The following CA10 variants were observed in gnomAD, a reference collection of about 807,000 sequenced individuals.
CA10 encodes carbonic anhydrase 10 (inactive).
Under a neutral mutation model 44.2 loss-of-function variants are expected in CA10, and 14 were observed. The ratio of observed to expected loss-of-function variants is 0.32; its 90% CI spans 0.21 to 0.50. The LOEUF is 0.50. Among genes scored for constraint, CA10 ranks in the 20% least tolerant of loss-of-function variants. The probability of loss-of-function intolerance (pLI) is 0.99; values close to 1 mark genes in which losing one functional copy is unlikely to be tolerated. For synonymous variants in CA10, 159 were observed against 141.6 expected (o/e 1.12, Z -0.87); for missense variants, 350 against 409.7 (o/e 0.85, Z 1.26).
At position 51,788,919 on chromosome 17, in the gene CA10, CTAAA is replaced by C. The variant is rs1160024166; in HGVS notation, c.280-41105_280-41102del. Among the ~76,000 whole-genome samples, 10 of 152,334 alleles carry C rather than the reference CTAAA, an allele frequency of 6.6e-5. No individual in the cohort carries two copies. The East Asian group carries it at 1.5e-3, about 23-fold the overall frequency. On this transcript the variant is annotated intron_variant, in intron 3 of 8. Transcript: ENST00000451037. ...GATAGAATGTACACCTACAGAATAACTAAATAAATCCACTCTTTCTTTCTTCCTT... is the reference window on the plus strand; with the variant it reads ...GATAGAATGTACACCTACAGAATAACTAAATCCACTCTTTCTTTCTTCCTT...
intron 1 of CA10, among the ~76,000 whole-genome samples, chr17:52,126,757 A>G (rs1989128597): frequency 6.6e-6 from 1 of 152,336 alleles, no homozygotes; most frequent in African/African-American, 2.4e-5. Context: ...ATCATTACCC[A>G]TGAAACTTAG....
At chr17:52,113,520 C>A (rs1354690400) in intron 1 of CA10, among the ~76,000 whole-genome samples, 1 of 152,114 alleles carries the variant, frequency 6.6e-6, no homozygotes, top group Non-Finnish European at 1.5e-5. Context: ...GAAAGCAAGA[C>A]AAGCCCATGA....
At chr17:51,670,501 C>T (rs1409901165) in intron 4 of CA10, among the ~76,000 whole-genome samples, 4 of 151,088 alleles carry the variant, frequency 2.6e-5, no homozygotes, top group African/African-American at 7.3e-5. Context: ...TTTTTTTTTC[C>T]CCCTGGAATC....
chr17:51,700,919 G>C (rs1915578290), intron 4 of CA10, among the ~76,000 whole-genome samples: 1 of 152,076 alleles, frequency 6.6e-6, no homozygotes, highest in African/African-American at 2.4e-5. Flanking sequence ...GCCTATGGGG[G>C]TAGGAGTGGA....
chr17:51,889,537 C>T (rs1267487746), intron 3 of CA10, among the ~76,000 whole-genome samples: 1 of 151,732 alleles, frequency 6.6e-6, no homozygotes, highest in Non-Finnish European at 1.5e-5. Context: ...TAAAATAAAA[C>T]CAAACCAAAC....
chr17:52,050,318 G>T (rs1025895133), intron 2 of CA10, among the ~76,000 whole-genome samples: 2 of 151,960 alleles, frequency 1.3e-5, no homozygotes, highest in Non-Finnish European at 2.9e-5. Context: ...TCCAGAGTCA[G>T]TCAATTTATC....
intron 2 of CA10, among the ~76,000 whole-genome samples, chr17:51,946,386 G>A (rs774461862): frequency 2.0e-5 from 3 of 152,154 alleles, no homozygotes; most frequent in Non-Finnish European, 2.9e-5. Flanking sequence ...CTGATCAGAT[G>A]CTTGTAGTAT....
chr17:51,755,396 A>C (rs1905047185), intron 3 of CA10, among the ~76,000 whole-genome samples: 1 of 152,240 alleles, frequency 6.6e-6, no homozygotes, highest in Non-Finnish European at 1.5e-5. Flanking sequence ...GCAGAAAGCT[A>C]AGCTAGAGGA....
At chr17:51,940,415 T>G (rs556708698) in intron 2 of CA10, among the ~76,000 whole-genome samples, 8 of 152,140 alleles carry the variant, frequency 5.3e-5, no homozygotes, top group Non-Finnish European at 1.2e-4. Flanking sequence ...GGACTAGTGA[T>G]CCTAGGAACC....
chr17:52,149,256 C>T (rs1203365404), intron 1 of CA10, among the ~76,000 whole-genome samples: 1 of 152,228 alleles, frequency 6.6e-6, no homozygotes, highest in Non-Finnish European at 1.5e-5. Context: ...CCCCTTCAGC[C>T]ACCAGGCATG....
intron 2 of CA10, among the ~76,000 whole-genome samples, chr17:51,951,353 C>A (rs73350237): frequency 6.6e-6 from 1 of 152,124 alleles, no homozygotes; most frequent in Non-Finnish European, 1.5e-5. Context: ...CCCAAGGAAG[C>A]AAAGCCTTGG....
intron 4 of CA10, among the ~76,000 whole-genome samples, chr17:51,689,450 G>A (rs188101451): frequency 1.1e-3 from 166 of 152,300 alleles, no homozygotes; most frequent in Middle Eastern, 6.8e-3. Context: ...ACATGAATAT[G>A]TGATGGAATA....
rs778867121 is a variant in CA10, at chr17:52,072,344, C to G, written c.111G>C (p.Glu37Asp). The change falls in exon 2 of 9, where the codon GAG becomes GAC. Residue 37 changes from glutamate (E) to aspartate (D), a missense_variant. Physicochemically the swap from Glu to Asp is conservative, Grantham distance 45. Transcript: ENST00000451037. Reference sequence around the variant, plus strand: ...CTGGAACAAAGCTTCCCTGGACCACCTCCTTGTATGCCCACCAGCCTTCAT... The same window carrying G: ...CTGGAACAAAGCTTCCCTGGACCACGTCCTTGTATGCCCACCAGCCTTCAT... ...KIHEGWWAYK[E>D]VVQGSFVPVP... 9 of 1,613,258 alleles carry G rather than the reference C, an allele frequency of 5.6e-6. No homozygotes were observed. In the Admixed American group the frequency reaches 1.5e-4, roughly 27 times the overall value.
chr17:52,069,161 T>A (rs2143125182), intron 2 of CA10, among the ~76,000 whole-genome samples: 1 of 152,340 alleles, frequency 6.6e-6, no homozygotes, highest in East Asian at 1.9e-4. Flanking sequence ...CAAATGTTAA[T>A]CTGGTCTTAA....
chr17:51,933,126 G>T (rs545590436), intron 2 of CA10, among the ~76,000 whole-genome samples: 6 of 152,228 alleles, frequency 3.9e-5, no homozygotes, highest in African/African-American at 1.4e-4. Flanking sequence ...CTTCTTCATG[G>T]TTCCTGTGGT....
intron 1 of CA10, among the ~76,000 whole-genome samples, chr17:52,130,600 A>C (rs1989216398): frequency 6.6e-6 from 1 of 152,220 alleles, no homozygotes. Flanking sequence ...AATAAAGTTG[A>C]ACTCATAGAA....
chr17:51,660,481 G>C (rs1913963341), intron 4 of CA10, among the ~76,000 whole-genome samples: 2 of 152,206 alleles, frequency 1.3e-5, no homozygotes, highest in South Asian at 4.1e-4. Flanking sequence ...CTTGTCATAG[G>C]TTAAGCTGGG....
chr17:52,058,397 G>A (rs952187794), intron 2 of CA10, among the ~76,000 whole-genome samples: 1 of 152,132 alleles, frequency 6.6e-6, no homozygotes, highest in Non-Finnish European at 1.5e-5. Context: ...CTTATTGTCT[G>A]TATTTTACAA....
At chr17:52,150,506 T>A (rs1989680142) in intron 1 of CA10, among the ~76,000 whole-genome samples, 1 of 152,166 alleles carries the variant, frequency 6.6e-6, no homozygotes, top group African/African-American at 2.4e-5. Flanking sequence ...GTTGAATGAT[T>A]AAGTGGACAA....
Sources: allele counts gnomAD v4.1 joint callset (sites outside exome capture counted in the v4.1 genomes callset), GRCh38; gene constraint gnomAD v4.1.1; transcripts MANE v1.5; gene names NCBI Gene and HGNC (gene_info 2026-07-23, HGNC 2026-07-21).